Variants in EFL1 observed in about 807,000 individuals in gnomAD.
The protein encoded by EFL1 is elongation factor like GTPase 1, also known as elongation factor-like GTPase 1.
In EFL1, 76 loss-of-function variants were observed where a neutral mutation model predicts 126.7. That is an observed-to-expected ratio of 0.60 (90% CI 0.50 to 0.73). EFL1 has a LOEUF of 0.73. Among genes scored for constraint, EFL1 ranks in the 30% least tolerant of loss-of-function variants. EFL1 has a pLI of 0.00. For missense variants in EFL1, 1,128 were observed against 1,343.2 expected, an observed-to-expected ratio of 0.84 and a Z score of 2.50; for synonymous variants, 410 against 448.4, an observed-to-expected ratio of 0.91 and a Z score of 1.08.
intron 15 of EFL1, among the ~76,000 whole-genome samples, chr15:82,207,650 AC>A (rs1269969500): frequency 1.3e-5 from 2 of 151,832 alleles, no homozygotes; most frequent in African/African-American, 4.8e-5. Context: ...ACTGATGGTT[AC>A]CCCTATAGTA....
At position 82,157,515 on chromosome 15, in the gene EFL1, C is replaced by T. The variant is rs1595948463; in HGVS notation, c.2030+198G>A. The T allele has an allele frequency of 2.8e-5, 15 of 532,914 alleles. No individual in the cohort carries two copies. The East Asian group carries it at 5.0e-4, about 18-fold the overall frequency. 33.0% of individuals were successfully genotyped at this position (532,914 alleles called of 1,614,324 possible). A position where few individuals can be genotyped will look rare whatever the true frequency, so the allele number is the denominator to read the frequency against. On this transcript the variant is annotated intron_variant, in intron 17 of 19. Coordinates refer to ENST00000268206, the MANE Select transcript of EFL1 (RefSeq NM_024580.6). ...CTTAAGCTAAAAATGCAAAATTATT[C>T]AAGTGTAGGCAGTGAATGCCATTTT...
At chr15:82,161,777 G>C (rs1265734561) in intron 16 of EFL1, among the ~76,000 whole-genome samples, 2 of 152,104 alleles carry the variant, frequency 1.3e-5, no homozygotes, top group Non-Finnish European at 2.9e-5. Context: ...CTCATTTATG[G>C]AAAGGAAAGG....
At chr15:82,134,182 C>T (rs1002329827) in intron 19 of EFL1, among the ~76,000 whole-genome samples, 2 of 152,150 alleles carry the variant, frequency 1.3e-5, no homozygotes, top group Admixed American at 1.3e-4. Context: ...AAGCCACTTG[C>T]CTCAACATAC....
intron 19 of EFL1, among the ~76,000 whole-genome samples, chr15:82,132,546 AG>A (rs1555423044): frequency 2.5e-5 from 3 of 118,330 alleles, no homozygotes; most frequent in Non-Finnish European, 3.4e-5. Context: ...GAGAGCAGCC[AG>A]GGGGCACAGA....
intron 15 of EFL1, among the ~76,000 whole-genome samples, chr15:82,172,784 A>C (rs1249873602): frequency 6.6e-6 from 1 of 152,232 alleles, no homozygotes; most frequent in Non-Finnish European, 1.5e-5. Flanking sequence ...TCACAGAAAC[A>C]TGGTGACTAC....
chr15:82,165,522 A>T (rs1009660758), intron 15 of EFL1, among the ~76,000 whole-genome samples: 5 of 152,190 alleles, frequency 3.3e-5, no homozygotes, highest in Non-Finnish European at 7.3e-5. Flanking sequence ...CACAGTATGG[A>T]AACCTCCATC....
intron 15 of EFL1, among the ~76,000 whole-genome samples, chr15:82,208,455 C>CCT (rs2074548686): frequency 6.6e-6 from 1 of 152,018 alleles, no homozygotes; most frequent in Non-Finnish European, 1.5e-5. Context: ...AGTGAATGTA[C>CCT]CTAGTGGCTA....
intron 14 of EFL1, among the ~76,000 whole-genome samples, chr15:82,218,316 T>A (rs1221771586): frequency 6.6e-6 from 1 of 152,180 alleles, no homozygotes; most frequent in South Asian, 2.1e-4. Context: ...CAGGTTTTTT[T>A]TTAAGCAGTT....
At position 82,238,443 on chromosome 15, in the gene EFL1, T is replaced by A; in HGVS notation, c.595A>T (p.Asn199Tyr). 1 of 1,614,156 alleles carries A rather than the reference T, an allele frequency of 6.2e-7. No homozygotes were observed. Among genetic ancestry groups the A allele is most frequent in the Non-Finnish European group, 8.5e-7 (1 of 1,180,038 alleles). ...RAERETESQVNPNSEQGEQVY... is the reference protein window; with the variant it reads ...RAERETESQVYPNSEQGEQVY... ...TGCTCTCCTTGTTCAGAATTTGGAT[T>A]CACTTGGGATTCAGTCTCCCTCTCT... The change falls in exon 7 of 20, where the codon AAT becomes TAT. Residue 199 changes from asparagine to tyrosine, a missense_variant. Asn to Tyr is a moderately radical substitution (Grantham distance 143). Coordinates refer to ENST00000268206, the MANE Select transcript of EFL1 (RefSeq NM_024580.6).
At chr15:82,169,567 T>A (rs953025912) in intron 15 of EFL1, among the ~76,000 whole-genome samples, 1 of 152,232 alleles carries the variant, frequency 6.6e-6, no homozygotes, top group Admixed American at 6.5e-5. Context: ...TATTCTTCTT[T>A]TAGGTTTATA....
chr15:82,160,176 T>C (rs2141238341), intron 16 of EFL1: 1 of 152,336 alleles, frequency 6.6e-6, no homozygotes, highest in East Asian at 1.9e-4. Context: ...CTTAGTGTTT[T>C]GGAATGCTGG....
At chr15:82,136,843 G>A (rs971378554) in intron 19 of EFL1, among the ~76,000 whole-genome samples, 7 of 152,142 alleles carry the variant, frequency 4.6e-5, no homozygotes, top group East Asian at 1.9e-4. Flanking sequence ...CAGCAATATC[G>A]CATCAGATAT....
intron 15 of EFL1, among the ~76,000 whole-genome samples, chr15:82,193,942 C>T (rs2455060): frequency 2.6e-5 from 4 of 152,242 alleles, no homozygotes; most frequent in African/African-American, 7.2e-5. Flanking sequence ...GTCGCTAACA[C>T]GGTGAGCAGC....
rs138207428 is a variant in EFL1 at position 82,141,397 on chromosome 15, C to T, written c.2990-2555G>A. Among the ~76,000 whole-genome samples the T allele has an allele frequency of 9.8e-4, 149 of 152,216 alleles. 1 individual carries two copies. The South Asian group carries it at 0.029, about 30-fold the overall frequency. ...AGAAATGTTTTAAGGGCCAGGAGAGCGGTGGCTCACGCCTATAATCCCAGC... is the reference window on the plus strand; with the variant it reads ...AGAAATGTTTTAAGGGCCAGGAGAGTGGTGGCTCACGCCTATAATCCCAGC... On this transcript the variant is annotated intron_variant, in intron 18 of 19. Transcript: ENST00000268206.
intron 5 of EFL1, among the ~76,000 whole-genome samples, chr15:82,240,879 G>A (rs559524772): frequency 2.0e-5 from 3 of 152,256 alleles, no homozygotes; most frequent in Admixed American, 6.5e-5. Context: ...GCAAAATCCC[G>A]TCTGTATTAA....
intron 12 of EFL1, among the ~76,000 whole-genome samples, chr15:82,221,975 AC>A (rs376176135): frequency 2.5e-4 from 38 of 152,290 alleles, no homozygotes; most frequent in African/African-American, 8.9e-4. Flanking sequence ...CGTTCCTTCA[AC>A]CAATCCTTTG....
At chr15:82,181,602 A>C (rs1306384068) in intron 15 of EFL1, among the ~76,000 whole-genome samples, 1 of 148,584 alleles carries the variant, frequency 6.7e-6, no homozygotes, top group Non-Finnish European at 1.5e-5. Context: ...AAAAGCATGA[A>C]TTCTAATTTA....
intron 15 of EFL1, among the ~76,000 whole-genome samples, chr15:82,175,217 C>G (rs1401712212): frequency 6.6e-6 from 1 of 152,140 alleles, no homozygotes; most frequent in Non-Finnish European, 1.5e-5. Context: ...GACTATTGCC[C>G]TACGTCTGCA....
intron 4 of EFL1, among the ~76,000 whole-genome samples, chr15:82,249,443 A>G (rs533027583): frequency 1.1e-4 from 17 of 152,208 alleles, no homozygotes; most frequent in Admixed American, 6.5e-4. Flanking sequence ...AGCAACAGCA[A>G]TATTTGCTCA....
Sources: allele counts gnomAD v4.1 joint callset (sites outside exome capture counted in the v4.1 genomes callset), GRCh38; gene constraint gnomAD v4.1.1; transcripts MANE v1.5; gene names NCBI Gene and HGNC (gene_info 2026-07-23, HGNC 2026-07-21).